Variants in TFDP2 observed in about 807,000 individuals in gnomAD.
The protein encoded by TFDP2 is transcription factor Dp-2, also known as transcription factor Dp-2 (E2F dimerization partner 2).
Under a neutral mutation model 59.3 loss-of-function variants are expected in TFDP2, and 17 were observed. That is an observed-to-expected ratio of 0.29 (90% CI 0.20 to 0.43). The LOEUF (loss-of-function observed/expected upper bound fraction) is 0.43, where lower values mean the gene tolerates loss of function less well. Ranked by LOEUF, TFDP2 falls within the 20% of genes least tolerant of loss-of-function variation. TFDP2 has a pLI of 1.00. For missense variants in TFDP2, 391 were observed against 528.8 expected (o/e 0.74, Z 2.56); for synonymous variants, 180 against 194.7 (o/e 0.92, Z 0.63).
rs956585500 is a variant in TFDP2 at position 141,944,511 on chromosome 3, T to C, written c.*8002A>G. The C allele has an allele frequency of 2.0e-5, 3 of 152,220 alleles. No individual in the cohort carries two copies. Among genetic ancestry groups the C allele is most frequent in the African/African-American group, 7.2e-5 (3 of 41,454 alleles). 9.4% of individuals were successfully genotyped at this position (152,220 alleles called of 1,614,324 possible). On this transcript the variant is annotated 3_prime_UTR_variant, in exon 13 of 13. Coordinates refer to ENST00000489671, the MANE Select transcript of TFDP2 (RefSeq NM_001178139.2). ...ATACATTTTTTTCTCAAGAACAACT[T>C]ACACTCATTTGAGATGCTTTTTCTT...
At chr3:141,987,240 C>A (rs1942194533) in intron 6 of TFDP2, among the ~76,000 whole-genome samples, 1 of 151,664 alleles carries the variant, frequency 6.6e-6, no homozygotes, top group Non-Finnish European at 1.5e-5. Flanking sequence ...TTATTCACTA[C>A]TAAATGTAAT....
intron 2 of TFDP2, among the ~76,000 whole-genome samples, chr3:142,096,617 T>C (rs1160651913): frequency 1.3e-5 from 2 of 152,322 alleles, no homozygotes; most frequent in East Asian, 1.9e-4. Flanking sequence ...CAATGCTGTG[T>C]TGTGTACTAT....
intron 1 of TFDP2, among the ~76,000 whole-genome samples, chr3:142,131,037 G>A (rs1280226348): frequency 1.5e-5 from 2 of 130,936 alleles, no homozygotes; most frequent in African/African-American, 6.3e-5. Flanking sequence ...TGGGCAACAA[G>A]AGCGAAACTA....
intron 3 of TFDP2, among the ~76,000 whole-genome samples, chr3:142,089,179 A>C (rs1381060577): frequency 1.3e-5 from 2 of 151,808 alleles, no homozygotes; most frequent in African/African-American, 4.8e-5. Context: ...CTAACATTCT[A>C]CAATTTCTTT....
In TFDP2 at chr3:141,999,928, G is replaced by C. The variant is rs546456547; in HGVS notation, c.187-4787C>G. Among the ~76,000 whole-genome samples the C allele has an allele frequency of 2.6e-4, 39 of 152,152 alleles. No individual in the cohort carries two copies. In the South Asian group the frequency reaches 7.3e-3, roughly 28 times the overall value. ...TTTTTTGTACTTTTAGTAGAGACGG[G>C]GTTTCACCTTGTTAGCCAGGATGGT... is the stretch of plus-strand genomic sequence containing the variant. On this transcript the variant is annotated intron_variant, in intron 4 of 12. Coordinates refer to ENST00000489671, the MANE Select transcript of TFDP2 (RefSeq NM_001178139.2).
In TFDP2 at chr3:141,949,807, A is replaced by AT. The variant is rs759658026; in HGVS notation, c.*2705dup. 275 of 98,000 alleles carry AT rather than the reference A, an allele frequency of 2.8e-3. 9 individuals carry two copies. The highest frequency in any genetic ancestry group is 0.016 in the East Asian group (53 of 3,254). The allele number at this position is 98,000 out of a possible 1,614,324, so 6.1% of individuals were successfully genotyped here. A position where few individuals can be genotyped will look rare whatever the true frequency, so the allele number is the denominator to read the frequency against. On this transcript the variant is annotated 3_prime_UTR_variant, in exon 13 of 13. Transcript: ENST00000489671. ...CCTGGGCATTGTGACCACAACTTCC[A>AT]TTTTTTTTTTTTTTTTTTTTGAGAC... is the stretch of plus-strand genomic sequence containing the variant.
chr3:142,082,176 G>A (rs2060660205), intron 3 of TFDP2, among the ~76,000 whole-genome samples: 1 of 152,160 alleles, frequency 6.6e-6, no homozygotes, highest in Admixed American at 6.5e-5. Context: ...GCATGTGAGG[G>A]ATCTAAGTTG....
chr3:142,073,006 G>A (rs992442016), intron 3 of TFDP2, among the ~76,000 whole-genome samples: 3 of 152,174 alleles, frequency 2.0e-5, no homozygotes, highest in African/African-American at 7.2e-5. Context: ...CTTTACTGTG[G>A]AGAAACCTGA....
At chr3:142,003,645 T>C (rs1454933212) in intron 4 of TFDP2, among the ~76,000 whole-genome samples, 3 of 152,184 alleles carry the variant, frequency 2.0e-5, no homozygotes, top group Non-Finnish European at 4.4e-5. Context: ...AACTCAGAAC[T>C]GAAAAAAGGA....
In TFDP2 at chr3:141,946,028, T is replaced by A. The variant is rs1336209559; in HGVS notation, c.*6485A>T. On this transcript the variant is annotated 3_prime_UTR_variant, in exon 13 of 13. Coordinates refer to ENST00000489671, the MANE Select transcript of TFDP2 (RefSeq NM_001178139.2). ...CTCATGCTGGGGCTCGGGAAAGGAG[T>A]CCCACTTCTACCCCTCAGCTGTTTG... 6.6e-6 allele frequency: 1 copy of A among 151,732 alleles called. No individual in the cohort carries two copies. Among genetic ancestry groups the A allele is most frequent in the Non-Finnish European group, 1.5e-5 (1 of 67,966 alleles). 9.4% of individuals were successfully genotyped at this position (151,732 alleles called of 1,614,324 possible). A position where few individuals can be genotyped will look rare whatever the true frequency, so the allele number is the denominator to read the frequency against.
chr3:142,004,789 G>T (rs1156601505), intron 4 of TFDP2, among the ~76,000 whole-genome samples: 2 of 152,096 alleles, frequency 1.3e-5, no homozygotes, highest in African/African-American at 4.8e-5. Flanking sequence ...AGTAGTAAAG[G>T]TTATTTTATA....
At chr3:141,958,239 A>G (rs912581367) in intron 11 of TFDP2, among the ~76,000 whole-genome samples, 6 of 150,038 alleles carry the variant, frequency 4.0e-5, no homozygotes, top group Admixed American at 3.9e-4. Context: ...GGAAACAAAC[A>G]GTTTATTTTC....
intron 9 of TFDP2, among the ~76,000 whole-genome samples, chr3:141,964,204 C>T (rs1215677551): frequency 6.6e-6 from 1 of 152,018 alleles, no homozygotes; most frequent in Non-Finnish European, 1.5e-5. Flanking sequence ...CAGTAGGCAC[C>T]TGGAACTCTT....
intron 9 of TFDP2, among the ~76,000 whole-genome samples, chr3:141,968,583 CTCATATATAGATATATATAACATATATA>C (rs1938751813): frequency 1.0e-5 from 1 of 96,440 alleles, no homozygotes; most frequent in Admixed American, 1.4e-4. Flanking sequence ...ACATATATAT[CTCATATATAGATATATATAACATATATA>C]TCTCATATAT....
At chr3:142,040,240 C>T (rs773352413) in intron 3 of TFDP2, among the ~76,000 whole-genome samples, 3 of 152,172 alleles carry the variant, frequency 2.0e-5, no homozygotes, top group Non-Finnish European at 4.4e-5. Context: ...TGTTCTTTCA[C>T]TTTTCTCATC....
rs193016291 is a variant in TFDP2, at chr3:141,989,482, G to A, written c.356+4056C>T. On this transcript the variant is annotated intron_variant, in intron 6 of 12. Transcript: ENST00000489671. ...CTTAAACCAGCTGAAGCAGGCAGTT[G>A]TTTCCCTGGGATCAGTTCTCCAAGT... is the stretch of plus-strand genomic sequence containing the variant. 6 of 152,368 alleles carry A rather than the reference G, an allele frequency of 3.9e-5. No individual in the cohort carries two copies. In the East Asian group the frequency reaches 1.2e-3, roughly 29 times the overall value. The allele number at this position is 152,368 out of a possible 1,614,324, so 9.4% of individuals were successfully genotyped here.
At chr3:142,125,970 G>C (rs1398975636) in intron 1 of TFDP2, among the ~76,000 whole-genome samples, 1 of 151,950 alleles carries the variant, frequency 6.6e-6, no homozygotes, top group Non-Finnish European at 1.5e-5. Context: ...ATAACCTAAA[G>C]TAACAGACAT....
intron 1 of TFDP2, among the ~76,000 whole-genome samples, chr3:142,103,478 A>G (rs1313825281): frequency 6.6e-6 from 1 of 152,122 alleles, no homozygotes; most frequent in Non-Finnish European, 1.5e-5. Flanking sequence ...TGGATTCCAA[A>G]AACTATGGAG....
chr3:142,035,377 G>A (rs1253463206), intron 3 of TFDP2, among the ~76,000 whole-genome samples: 1 of 152,096 alleles, frequency 6.6e-6, no homozygotes, highest in Non-Finnish European at 1.5e-5. Flanking sequence ...CTCAAGGTCT[G>A]TCTTCACTCA....
Sources: allele counts gnomAD v4.1 joint callset (sites outside exome capture counted in the v4.1 genomes callset), GRCh38; gene constraint gnomAD v4.1.1; transcripts MANE v1.5; gene names NCBI Gene and HGNC (gene_info 2026-07-23, HGNC 2026-07-21).